The following FSTL5 variants were observed in gnomAD, a reference collection of about 807,000 sequenced individuals.
FSTL5 encodes follistatin like 5.
A neutral mutation model predicts 89.1 loss-of-function variants in FSTL5; 62 were observed. The ratio of observed to expected loss-of-function variants is 0.70; its 90% CI spans 0.57 to 0.86. The LOEUF (loss-of-function observed/expected upper bound fraction) is 0.86. Ranked by LOEUF, FSTL5 falls within the 40% of genes least tolerant of loss-of-function variation. FSTL5 has a pLI of 0.00. For missense variants in FSTL5, 1,057 were observed against 1,001.6 expected, an observed-to-expected ratio of 1.06 and a Z score of -0.75; for synonymous variants, 383 against 346.2, an observed-to-expected ratio of 1.11 and a Z score of -1.18.
intron 6 of FSTL5, among the ~76,000 whole-genome samples, chr4:161,681,676 T>C (rs1194558909): frequency 6.6e-6 from 1 of 152,112 alleles, no homozygotes; most frequent in Non-Finnish European, 1.5e-5. Context: ...GAGTAATAAA[T>C]ATAATCCAAT....
chr4:161,498,157 A>G (rs537885379), intron 12 of FSTL5, among the ~76,000 whole-genome samples: 6 of 152,132 alleles, frequency 3.9e-5, no homozygotes, highest in Non-Finnish European at 4.4e-5. Flanking sequence ...TAATATGTGT[A>G]TACATAGAGA....
chr4:162,061,908 T>A (rs1044808921), intron 2 of FSTL5, among the ~76,000 whole-genome samples: 5 of 152,248 alleles, frequency 3.3e-5, no homozygotes, highest in African/African-American at 9.6e-5. Context: ...TTTTTAAATT[T>A]TCTGTTTTTA....
At chr4:161,926,278 C>A (rs1310373307) in intron 3 of FSTL5, among the ~76,000 whole-genome samples, 4 of 151,862 alleles carry the variant, frequency 2.6e-5, no homozygotes, top group African/African-American at 9.7e-5. Flanking sequence ...AACGACAATC[C>A]TTTTCAACGG....
chr4:161,815,222 A>G (rs181004565), intron 4 of FSTL5, among the ~76,000 whole-genome samples: 13 of 152,178 alleles, frequency 8.5e-5, no homozygotes, highest in Admixed American at 2.6e-4. Context: ...TTAAATGATC[A>G]CACATATTAT....
At chr4:161,832,845 T>A (rs909654243) in intron 4 of FSTL5, among the ~76,000 whole-genome samples, 6 of 150,740 alleles carry the variant, frequency 4.0e-5, no homozygotes, top group African/African-American at 1.5e-4. Flanking sequence ...CTGGATTCAT[T>A]AATTTTTTGA....
At chr4:161,699,939 T>A (rs576979296) in intron 6 of FSTL5, among the ~76,000 whole-genome samples, 2 of 152,320 alleles carry the variant, frequency 1.3e-5, no homozygotes, top group Non-Finnish European at 2.9e-5. Context: ...AGTAGAATCA[T>A]TACCGCTGGA....
Position 161,887,647 on chromosome 4 carries a change from G to A in FSTL5, c.409+32757C>T, listed in dbSNP as rs147758488. On this transcript the variant is annotated intron_variant, in intron 4 of 15. Transcript: ENST00000306100. ...TTCATATTTTTTAGGATTTAGTCCC[G>A]TGATTTTTCTACCTAAAATATGTAA... 3.5e-3 allele frequency among the ~76,000 whole-genome samples: 530 copies of A among 151,890 alleles called. 10 individuals are homozygous for A. The South Asian group carries it at 0.047, about 14-fold the overall frequency.
At chr4:161,632,216 T>C (rs1735526759) in intron 7 of FSTL5, among the ~76,000 whole-genome samples, 3 of 151,900 alleles carry the variant, frequency 2.0e-5, no homozygotes, top group Admixed American at 2.0e-4. Flanking sequence ...CCATCTCTAC[T>C]AAAAATACAA....
chr4:162,013,467 C>T (rs751658015), intron 3 of FSTL5, among the ~76,000 whole-genome samples: 2 of 152,120 alleles, frequency 1.3e-5, no homozygotes, highest in Non-Finnish European at 2.9e-5. Context: ...TCCAGGAACA[C>T]TAGAATAGTT....
chr4:161,755,614 A>C (rs1017342492), intron 6 of FSTL5, among the ~76,000 whole-genome samples: 2 of 151,990 alleles, frequency 1.3e-5, no homozygotes, highest in Admixed American at 6.6e-5. Flanking sequence ...CTTTTTATAA[A>C]GTATGTGGAG....
chr4:161,991,971 A>G (rs1560956694), intron 3 of FSTL5, among the ~76,000 whole-genome samples: 1 of 152,184 alleles, frequency 6.6e-6, no homozygotes. Context: ...AGGCAGAAGG[A>G]GCCTCAAGTG....
intron 4 of FSTL5, among the ~76,000 whole-genome samples, chr4:161,806,975 G>A (rs533290214): frequency 9.9e-5 from 15 of 152,072 alleles, no homozygotes; most frequent in Admixed American, 7.9e-4. Context: ...TTAATGGGAA[G>A]AAAAATGGAA....
intron 12 of FSTL5, among the ~76,000 whole-genome samples, chr4:161,492,291 A>G (rs1243130633): frequency 6.6e-6 from 1 of 152,144 alleles, no homozygotes; most frequent in Non-Finnish European, 1.5e-5. Flanking sequence ...AAACTAGTAA[A>G]CAAACCTCAG....
chr4:161,774,135 G>T (rs1177384247), intron 5 of FSTL5, among the ~76,000 whole-genome samples: 1 of 152,096 alleles, frequency 6.6e-6, no homozygotes, highest in Non-Finnish European at 1.5e-5. Context: ...GGTGGCGGGT[G>T]CCTGTAGTCC....
chr4:161,535,002 G>T (rs1413203406), intron 10 of FSTL5, among the ~76,000 whole-genome samples: 1 of 152,062 alleles, frequency 6.6e-6, no homozygotes, highest in African/African-American at 2.4e-5. Context: ...ATCATCTTGC[G>T]ATAACTGGCT....
intron 7 of FSTL5, among the ~76,000 whole-genome samples, chr4:161,654,951 T>C (rs1365190065): frequency 6.6e-6 from 1 of 152,148 alleles, no homozygotes; most frequent in East Asian, 1.9e-4. Flanking sequence ...GTTTCTGTTT[T>C]GGTTGCACTT....
At chr4:161,580,952 A>G (rs746616361) in intron 8 of FSTL5, among the ~76,000 whole-genome samples, 1 of 152,166 alleles carries the variant, frequency 6.6e-6, no homozygotes, top group African/African-American at 2.4e-5. Context: ...GGAGCAAGAC[A>G]TGAATACTGT....
At chr4:161,615,112 G>A (rs985228635) in intron 7 of FSTL5, among the ~76,000 whole-genome samples, 1 of 151,810 alleles carries the variant, frequency 6.6e-6, no homozygotes, top group African/African-American at 2.4e-5. Flanking sequence ...GGCTAACACG[G>A]TGAAACCCCG....
chr4:161,389,856 G>A (rs184462980), intron 15 of FSTL5, among the ~76,000 whole-genome samples: 1 of 152,180 alleles, frequency 6.6e-6, no homozygotes, highest in East Asian at 1.9e-4. Flanking sequence ...TGGGACAACA[G>A]ATTATTATAA....
Sources: gnomAD v4.1 joint callset for allele counts (sites outside exome capture counted in the v4.1 genomes callset) on GRCh38, gnomAD v4.1.1 for gene constraint, MANE v1.5 for transcripts, NCBI Gene and HGNC (gene_info 2026-07-23, HGNC 2026-07-21) for gene names.